C1RL: variants seen among roughly 807,000 people sequenced by gnomAD.
The protein encoded by C1RL is complement C1r subcomponent-like protein.
In C1RL, 27 loss-of-function variants were observed where a neutral mutation model predicts 27.9. That is an observed-to-expected ratio of 0.97 (90% CI 0.71 to 1.33). The LOEUF (loss-of-function observed/expected upper bound fraction) is 1.33. Ranked by LOEUF, C1RL falls within the 40% of genes most tolerant of loss-of-function variation. The pLI is 0.00. For synonymous variants in C1RL, 248 were observed against 252.1 expected, an observed-to-expected ratio of 0.98 and a Z score of 0.15; for missense variants, 563 against 623.9, an observed-to-expected ratio of 0.90 and a Z score of 1.04.
chr12:7,106,559 G>A (rs766947974), intron 2 of C1RL, among the ~76,000 whole-genome samples: 1 of 152,178 alleles, frequency 6.6e-6, no homozygotes, highest in African/African-American at 2.4e-5. Flanking sequence ...AAAATAAATC[G>A]AGAGATCTTC....
chr12:7,102,196 C>T lies in C1RL; in HGVS notation c.301-109G>A, dbSNP rs145230695. The T allele has an allele frequency of 8.1e-5, 94 of 1,157,284 alleles. 1 individual carries two copies. The Middle Eastern group carries it at 1.4e-3, about 18-fold the overall frequency. 71.7% of individuals were successfully genotyped at this position (1,157,284 alleles called of 1,614,324 possible). ...TGACTCCTGCCCCATCTAGACGGGC[C>T]GTGCCCCTCTGGGGCTCAGAAGGCA... On this transcript the variant is annotated intron_variant, in intron 2 of 5. Transcript: ENST00000266542.
In C1RL at chr12:7,109,109, C is replaced by T. The variant is rs919051211; in HGVS notation, c.71+1G>A. 4 of 1,590,218 alleles carry T rather than the reference C, an allele frequency of 2.5e-6. No homozygotes were observed. The African/African-American group carries it at 4.0e-5, about 16-fold the overall frequency. On this transcript the variant is annotated splice_donor_variant, in intron 1 of 5. Coordinates refer to ENST00000266542, the MANE Select transcript of C1RL (RefSeq NM_016546.4). LOFTEE classifies it high-confidence loss of function. The stretch of plus-strand genomic sequence containing the variant: ...TCCTCCTCTGCCGGGGCCACACTCA[C>T]ATTGCGCCTGGACAGCCTTTGGAGT...
In C1RL at chr12:7,095,109, T is replaced by A; in HGVS notation, c.*1282A>T. On this transcript the variant is annotated 3_prime_UTR_variant, in exon 6 of 6. Coordinates refer to ENST00000266542, the MANE Select transcript of C1RL (RefSeq NM_016546.4). ...TTTTATTTGTGTCTTTCACTGTAAA[T>A]CACCTCCAATCTTTTTTTTTTGGGG... The A allele has an allele frequency of 8.1e-7, 1 of 1,233,868 alleles. No individual in the cohort carries two copies. The highest frequency in any genetic ancestry group is 3.2e-5 in the Admixed American group (1 of 31,608). 76.4% of individuals were successfully genotyped at this position (1,233,868 alleles called of 1,614,324 possible).
intron 3 of C1RL, among the ~76,000 whole-genome samples, chr12:7,100,405 A>C (rs1012325963): frequency 1.3e-5 from 2 of 152,248 alleles, no homozygotes; most frequent in African/African-American, 2.4e-5. Flanking sequence ...AAGGATATGC[A>C]CAGTAGCACC....
rs746869190 is a variant in C1RL at position 7,096,571 on chromosome 12, C to G, written c.1284G>C (p.Arg428Ser). 23 of 1,614,024 alleles carry G rather than the reference C, an allele frequency of 1.4e-5. No individual in the cohort carries two copies. The highest frequency in any genetic ancestry group is 1.7e-6 in the Non-Finnish European group (2 of 1,180,042). The change falls in exon 6 of 6, where the codon AGG becomes AGC. Residue 428 changes from arginine to serine, a missense_variant. Coordinates refer to ENST00000266542, the MANE Select transcript of C1RL (RefSeq NM_016546.4). ...NMFCVGDETQRHSVCQGDSGS... is the reference protein window; with the variant it reads ...NMFCVGDETQSHSVCQGDSGS... ...CACTGTCCCCCTGGCAGACACTGTGCCTTTGCGTCTCATCCCCAACACAGA... is the reference window on the plus strand; with the variant it reads ...CACTGTCCCCCTGGCAGACACTGTGGCTTTGCGTCTCATCCCCAACACAGA...
chr12:7,105,420 C>T (rs998135906), intron 2 of C1RL, among the ~76,000 whole-genome samples: 3 of 152,160 alleles, frequency 2.0e-5, no homozygotes, highest in Admixed American at 2.0e-4. Context: ...CAGGCGTACA[C>T]CACCATGCCT....
chr12:7,095,963 G>T lies in C1RL; in HGVS notation c.*428C>A. On this transcript the variant is annotated 3_prime_UTR_variant, in exon 6 of 6. Coordinates refer to ENST00000266542, the MANE Select transcript of C1RL (RefSeq NM_016546.4). ...AGGTCAACTAAAGGGTCTTAGGAAT[G>T]TTTCAGAAATGCAATGCAATGAAAA... is the stretch of plus-strand genomic sequence containing the variant. 1 of 994,078 alleles carries T rather than the reference G, an allele frequency of 1.0e-6. No individual in the cohort carries two copies. The highest frequency in any genetic ancestry group is 1.2e-6 in the Non-Finnish European group (1 of 836,344). 61.6% of individuals were successfully genotyped at this position (994,078 alleles called of 1,614,324 possible).
intron 2 of C1RL, among the ~76,000 whole-genome samples, chr12:7,105,999 T>C (rs1301597098): frequency 6.6e-6 from 1 of 152,052 alleles, no homozygotes; most frequent in Non-Finnish European, 1.5e-5. Context: ...AAATGAGATA[T>C]CTGGAAATTA....
chr12:7,101,251 T>G (rs1317067502), intron 3 of C1RL, among the ~76,000 whole-genome samples: 1 of 140,720 alleles, frequency 7.1e-6, no homozygotes, highest in Non-Finnish European at 1.6e-5. Context: ...TCCCTCTCCC[T>G]TTTCCTCCTT....
intron 2 of C1RL, among the ~76,000 whole-genome samples, chr12:7,102,710 A>G (rs950284553): frequency 1.3e-5 from 2 of 152,140 alleles, no homozygotes; most frequent in African/African-American, 2.4e-5. Context: ...TTGTAAACGA[A>G]GCTCTCACAA....
intron 4 of C1RL, 59 bp from the exon 5 acceptor site, chr12:7,099,819 C>T (rs1376249075): frequency 9.9e-6 from 16 of 1,612,262 alleles, no homozygotes; most frequent in Admixed American, 3.3e-5. Context: ...TGTTGGTTAA[C>T]GAAGCAGGTG....
intron 2 of C1RL, 59 bp from the exon 3 acceptor site, chr12:7,102,146 G>C (rs1237399059): frequency 6.6e-7 from 1 of 1,520,674 alleles, no homozygotes; most frequent in Non-Finnish European, 9.0e-7. Flanking sequence ...CGCGCTGCTG[G>C]CATCACAGGG....
At position 7,101,924 on chromosome 12, in the gene C1RL, C is replaced by T. The variant is rs1938637496; in HGVS notation, c.464G>A (p.Gly155Asp). The T allele has an allele frequency of 6.2e-7, 1 of 1,614,200 alleles. No individual in the cohort carries two copies. The highest frequency in any genetic ancestry group is 8.5e-7 in the Non-Finnish European group (1 of 1,180,036). ...SENKTAHLHK[G>D]FLALYQTVAV... is the part of the protein sequence containing the mutation. ...CACGGTTTGGTAGAGGGCCAGGAAGCCCTTGTGGAGGTGGGCAGTCTTGTT... is the reference window on the plus strand; with the variant it reads ...CACGGTTTGGTAGAGGGCCAGGAAGTCCTTGTGGAGGTGGGCAGTCTTGTT... The change falls in exon 3 of 6, where the codon GGC (glycine) becomes GAC (aspartate). Residue 155 changes from glycine (G) to aspartate (D), a missense_variant. Coordinates refer to ENST00000266542, the MANE Select transcript of C1RL (RefSeq NM_016546.4).
chr12:7,099,660 A>G (rs1591596962), intron 5 of C1RL, 26 bp downstream of exon 5: 1 of 1,550,024 alleles, frequency 6.5e-7, no homozygotes, highest in East Asian at 2.4e-5. Context: ...TTGTTGGGGG[A>G]ATGGTGCTAG....
At chr12:7,101,030 C>T (rs1938602111) in intron 3 of C1RL, among the ~76,000 whole-genome samples, 1 of 151,842 alleles carries the variant, frequency 6.6e-6, no homozygotes, top group African/African-American at 2.4e-5. Flanking sequence ...TACTTTTTAG[C>T]ATACTTAAAA....
chr12:7,108,257 A>T lies in C1RL; in HGVS notation c.294T>A (p.Ser98=). ...CCCCCCATCCCCAGCTCACTGTGAC[A>T]GAGTCCCCTGCACAGTCCTGGGACG... ...LEPSQDCAGD[S]VTISFVGSDP... The change falls in exon 2 of 6, where the codon TCT becomes TCA. Residue 98 remains serine (S), a synonymous_variant. Transcript: ENST00000266542. 1.2e-6 allele frequency: 2 copies of T among 1,602,350 alleles called. No homozygotes were observed. The highest frequency in any genetic ancestry group is 1.7e-6 in the Non-Finnish European group (2 of 1,172,794).
In C1RL at chr12:7,099,995, G is replaced by A; in HGVS notation, c.522C>T (p.Ala174=). The change falls in exon 4 of 6, where the codon GCC becomes GCT. Residue 174 remains alanine, a synonymous_variant. Transcript: ENST00000266542. Reference sequence around the variant, plus strand: ...CGTTGATGGCCTCAGAGCCCCTGCTGGCCTCGCTGATGGGCTGACTATAGT... The same window carrying A: ...CGTTGATGGCCTCAGAGCCCCTGCTAGCCTCGCTGATGGGCTGACTATAGT... ...AVNYSQPISE[A]SRGSEAINAP... 6.2e-7 allele frequency: 1 copy of A among 1,613,630 alleles called. No homozygotes were observed. The highest frequency in any genetic ancestry group is 8.5e-7 in the Non-Finnish European group (1 of 1,179,862).
At chr12:7,099,503 A>C in intron 5 of C1RL, 183 bp downstream of exon 5, 1 of 975,776 alleles carries the variant, frequency 1.0e-6, no homozygotes, top group Non-Finnish European at 1.2e-6. Flanking sequence ...TTGACCCCTG[A>C]AGAATGAGGA....
intron 3 of C1RL, among the ~76,000 whole-genome samples, chr12:7,101,037 A>T (rs2135756799): frequency 6.6e-6 from 1 of 151,580 alleles, no homozygotes; most frequent in African/African-American, 2.4e-5. Flanking sequence ...TAGCATACTT[A>T]AAAAAATGAT....
Sources: allele counts gnomAD v4.1 joint callset (sites outside exome capture counted in the v4.1 genomes callset), GRCh38; gene constraint gnomAD v4.1.1; transcripts MANE v1.5; gene names NCBI Gene and HGNC (gene_info 2026-07-23, HGNC 2026-07-21).